DNM1L: variants seen among roughly 807,000 people sequenced by gnomAD.
DNM1L encodes the protein dynamin-1-like protein.
In DNM1L, 33 loss-of-function variants were observed where a neutral mutation model predicts 92.8. The ratio of observed to expected loss-of-function variants is 0.36; its 90% CI spans 0.27 to 0.48. The LOEUF (loss-of-function observed/expected upper bound fraction) is 0.48, where lower values mean the gene tolerates loss of function less well. Among genes scored for constraint, DNM1L ranks in the 20% least tolerant of loss-of-function variants. The pLI is 0.99. For synonymous variants in DNM1L, 284 were observed against 305.0 expected (o/e 0.93, Z 0.72); for missense variants, 485 against 888.8 (o/e 0.55, Z 5.78).
At chr12:32,683,951 G>A (rs1565968135) in intron 1 of DNM1L, among the ~76,000 whole-genome samples, 1 of 152,138 alleles carries the variant, frequency 6.6e-6, no homozygotes. Context: ...TGGGATAACA[G>A]GTATGAGCCA....
At chr12:32,743,220 G>C (rs1256974456) in intron 19 of DNM1L, 134 bp from the exon 20 acceptor site, 1 of 781,834 alleles carries the variant, frequency 1.3e-6, no homozygotes, top group Non-Finnish European at 2.1e-6. Flanking sequence ...TCTAATTCCA[G>C]AGAAGATATT....
intron 19 of DNM1L, 40 bp from the exon 20 acceptor site, chr12:32,743,314 T>G: frequency 6.3e-7 from 1 of 1,576,940 alleles, no homozygotes. Context: ...ATTTCATAAC[T>G]TTATAATAAG....
intron 2 of DNM1L, among the ~76,000 whole-genome samples, chr12:32,703,340 C>T (rs1952789128): frequency 6.6e-6 from 1 of 151,826 alleles, no homozygotes; most frequent in African/African-American, 2.4e-5. Context: ...TATATATTTG[C>T]TTAAAATGAC....
intron 19 of DNM1L, 48 bp downstream of exon 19, chr12:32,742,796 A>C (rs980602511): frequency 4.4e-6 from 7 of 1,608,156 alleles, no homozygotes; most frequent in African/African-American, 1.3e-5. Flanking sequence ...AGATAGAAAC[A>C]TAGAAATAGT....
At chr12:32,712,231 C>G (rs1190655218) in intron 5 of DNM1L, among the ~76,000 whole-genome samples, 2 of 152,110 alleles carry the variant, frequency 1.3e-5, no homozygotes, top group African/African-American at 2.4e-5. Context: ...AAAACCTCTC[C>G]CATTTCACTA....
At position 32,722,588 on chromosome 12, in the gene DNM1L, G is replaced by T. The variant is rs763293775; in HGVS notation, c.1034G>T (p.Cys345Phe). The T allele has an allele frequency of 2.5e-6, 4 of 1,613,006 alleles. No homozygotes were observed. In the African/African-American group the frequency reaches 4.0e-5, roughly 16 times the overall value. The change falls in exon 9 of 20, where the codon TGT becomes TTT. Residue 345 changes from cysteine to phenylalanine, a missense_variant. Coordinates refer to ENST00000549701, the MANE Select transcript of DNM1L (RefSeq NM_012062.5). ...ATTACCAAATTTGCCACAGAATATT[G>T]TAACACTATTGAAGGAACTGCAAAA... ...QLITKFATEYCNTIEGTAKYI... is the reference protein window; with the variant it reads ...QLITKFATEYFNTIEGTAKYI...
chr12:32,738,145 G>A, intron 15 of DNM1L, 119 bp from the exon 16 acceptor site: 1 of 1,237,238 alleles, frequency 8.1e-7, no homozygotes, highest in East Asian at 2.4e-5. Context: ...TTGCAATATA[G>A]AAGATGCACA....
chr12:32,706,159 A>C, intron 2 of DNM1L: 1 of 271,578 alleles, frequency 3.7e-6, no homozygotes, highest in Non-Finnish European at 6.8e-6. Flanking sequence ...TAGTACTTGC[A>C]TTTTGTGAGT....
chr12:32,733,460 T>C (rs1376197525), intron 12 of DNM1L: 1 of 438,636 alleles, frequency 2.3e-6, no homozygotes, highest in East Asian at 4.3e-5. Flanking sequence ...AGTAAAATAC[T>C]TGTAGTTACT....
intron 6 of DNM1L, among the ~76,000 whole-genome samples, chr12:32,717,109 TTA>T (rs1420127753): frequency 3.3e-5 from 4 of 120,928 alleles, no homozygotes; most frequent in East Asian, 2.2e-4. Context: ...TTTTATATAT[TTA>T]TATATATTTT....
chr12:32,682,875 A>G (rs1951862115), intron 1 of DNM1L, among the ~76,000 whole-genome samples: 1 of 152,190 alleles, frequency 6.6e-6, no homozygotes, highest in African/African-American at 2.4e-5. Flanking sequence ...TTTTTCTAGT[A>G]GAGACCATCT....
At position 32,731,720 on chromosome 12, in the gene DNM1L, T is replaced by G; in HGVS notation, c.1357-134T>G. On this transcript the variant is annotated intron_variant, in intron 11 of 19. Coordinates refer to ENST00000549701, the MANE Select transcript of DNM1L (RefSeq NM_012062.5). This position sits in a 1 kb window ranked among gnomAD's most constrained non-coding sequence, Gnocchi z 5.1. ...ATCATTAAGTAAAAGAAAATGACTGTTAGCCTGGCATGGTGGCTTCTACAT... is the reference window on the plus strand; with the variant it reads ...ATCATTAAGTAAAAGAAAATGACTGGTAGCCTGGCATGGTGGCTTCTACAT... 1 of 982,060 alleles carries G rather than the reference T, an allele frequency of 1.0e-6. No homozygotes were observed. The highest frequency in any genetic ancestry group is 1.5e-6 in the Non-Finnish European group (1 of 646,826). 60.8% of individuals were successfully genotyped at this position (982,060 alleles called of 1,614,324 possible).
At chr12:32,717,321 CACTATATATTT>C (rs1181921151) in intron 6 of DNM1L, among the ~76,000 whole-genome samples, 5,418 of 83,160 alleles carry the variant, frequency 0.065, 283 homozygotes, top group African/African-American at 0.096. Flanking sequence ...ATTATATATA[CACTATATATTT>C]TATATATACT....
chr12:32,708,645 A>T lies in DNM1L; in HGVS notation c.369+421A>T, dbSNP rs192164877. On this transcript the variant is annotated intron_variant, in intron 4 of 19. Coordinates refer to ENST00000549701, the MANE Select transcript of DNM1L (RefSeq NM_012062.5). ...GTTCTTTTCTTACCTGTGTATGGCTAGATTTGCTTATGAAAGCAAAAAGAG... is the reference window on the plus strand; with the variant it reads ...GTTCTTTTCTTACCTGTGTATGGCTTGATTTGCTTATGAAAGCAAAAAGAG... Among the ~76,000 whole-genome samples the T allele has an allele frequency of 4.5e-3, 685 of 152,220 alleles. 6 individuals carry two copies. The highest frequency in any genetic ancestry group is 4.9e-3 in the Non-Finnish European group (335 of 68,000).
At chr12:32,739,643 A>G (rs1386086814) in intron 16 of DNM1L, among the ~76,000 whole-genome samples, 3 of 152,252 alleles carry the variant, frequency 2.0e-5, no homozygotes, top group Admixed American at 2.0e-4. Flanking sequence ...TGGAACTTTT[A>G]GAGTTTAACA....
intron 9 of DNM1L, among the ~76,000 whole-genome samples, chr12:32,725,825 G>C (rs1388222106): frequency 1.3e-5 from 2 of 151,764 alleles, no homozygotes; most frequent in Non-Finnish European, 2.9e-5. Context: ...GGCTGGTGTT[G>C]AACTCCTGAC....
chr12:32,732,472 T>G (rs1173853618), intron 12 of DNM1L: 1 of 454,476 alleles, frequency 2.2e-6, no homozygotes, highest in Non-Finnish European at 4.4e-6. Context: ...GCATTTAAAA[T>G]TGCCCTCATG....
Position 32,733,746 on chromosome 12 carries a change from A to G in DNM1L, c.1478A>G (p.Tyr493Cys), listed in dbSNP as rs1446428064. The G allele has an allele frequency of 6.2e-7, 1 of 1,613,984 alleles. No individual in the cohort carries two copies. The highest frequency in any genetic ancestry group is 8.5e-7 in the Non-Finnish European group (1 of 1,179,932). ...AACTTAGTGGCAATTGAACTGGCTT[A>G]TATCAACACAAAACATCCAGACTTT... Reference protein sequence around the residue: ...VHNLVAIELAYINTKHPDFAD... With the variant: ...VHNLVAIELACINTKHPDFAD... The change falls in exon 13 of 20, where the codon TAT (tyrosine) becomes TGT (cysteine). Residue 493 changes from tyrosine (Y) to cysteine (C), a missense_variant. This residue lies in a region of DNM1L where 28 missense variants were observed against 65.1 expected (regional missense o/e 0.43). Transcript: ENST00000549701.
chr12:32,695,645 C>T (rs12296459), intron 1 of DNM1L, among the ~76,000 whole-genome samples: 21,479 of 151,738 alleles, frequency 0.14, 1,557 homozygotes, highest in Middle Eastern at 0.19. Context: ...ATGGTGTATG[C>T]GTGTAGTCCC....
Sources: gnomAD v4.1 joint callset for allele counts (sites outside exome capture counted in the v4.1 genomes callset) on GRCh38, gnomAD v4.1.1 for gene constraint, gnomAD v4.1.1 regional missense constraint, Gnocchi (gnomAD v3.1) non-coding constraint, MANE v1.5 for transcripts, NCBI Gene and HGNC (gene_info 2026-07-23, HGNC 2026-07-21) for gene names.